The following HMGN1 variants were observed in gnomAD, a reference collection of about 807,000 sequenced individuals.
HMGN1 encodes the protein high mobility group nucleosome binding domain 1.
In HMGN1, 9 loss-of-function variants were observed where a neutral mutation model predicts 18.4. The ratio of observed to expected loss-of-function variants is 0.49; its 90% CI spans 0.29 to 0.85. The LOEUF is 0.85. Ranked by LOEUF, HMGN1 falls within the 40% of genes least tolerant of loss-of-function variation. The pLI is 0.07. For synonymous variants in HMGN1, 59 were observed against 45.0 expected (o/e 1.31, Z -1.24); for missense variants, 151 against 119.2 (o/e 1.27, Z -1.24).
intron 1 of HMGN1, 90 bp downstream of exon 1, chr21:39,348,813 G>T: frequency 9.4e-7 from 1 of 1,069,118 alleles, no homozygotes; most frequent in Non-Finnish European, 1.2e-6. Context: ...CGTCGCCACC[G>T]TGGGTGCAAC....
chr21:39,343,290 A>G (rs566904132), intron 5 of HMGN1, 131 bp from the exon 6 acceptor site: 532 of 882,814 alleles, frequency 6.0e-4, no homozygotes, highest in Non-Finnish European at 8.8e-4. Flanking sequence ...TCTTGTTAAA[A>G]AACTTTTGTT....
intron 3 of HMGN1, 21 bp from the exon 4 acceptor site, chr21:39,348,360 T>C (rs1013688911): frequency 1.2e-6 from 2 of 1,614,214 alleles, no homozygotes; most frequent in Non-Finnish European, 1.7e-6. Flanking sequence ...AAAGCAGCAC[T>C]GAGCGTCCTC....
intron 4 of HMGN1, chr21:39,347,919 T>G (rs1186563765): frequency 2.9e-6 from 3 of 1,021,484 alleles, no homozygotes; most frequent in East Asian, 1.0e-4. Context: ...AACTTACACG[T>G]TCCCTTTCTC....
chr21:39,345,065 C>A, intron 5 of HMGN1, 81 bp downstream of exon 5: 1 of 1,433,848 alleles, frequency 7.0e-7, no homozygotes, highest in Non-Finnish European at 9.2e-7. Flanking sequence ...TTATCTGCTA[C>A]AAAAAATGTA....
At chr21:39,344,202 G>A (rs1233122464) in intron 5 of HMGN1, among the ~76,000 whole-genome samples, 1 of 137,508 alleles carries the variant, frequency 7.3e-6, no homozygotes, top group Non-Finnish European at 1.5e-5. Context: ...GATGCAGTGA[G>A]CCAAGATCCC....
chr21:39,345,749 T>G lies in HMGN1; in HGVS notation c.127-475A>C, dbSNP rs2037029307. 3 of 1,071,366 alleles carry G rather than the reference T, an allele frequency of 2.8e-6. No individual in the cohort carries two copies. The South Asian group carries it at 3.9e-5, about 14-fold the overall frequency. 66.4% of individuals were successfully genotyped at this position (1,071,366 alleles called of 1,614,324 possible). A position where few individuals can be genotyped will look rare whatever the true frequency, so the allele number is the denominator to read the frequency against. ...ACCGGAGGAGTCTCGTCGACCGTAT[T>G]CCCACCCATCCCCAAATTTGTTGTG... On this transcript the variant is annotated intron_variant, in intron 4 of 5. Transcript: ENST00000380749.
At chr21:39,343,277 T>G in intron 5 of HMGN1, 118 bp from the exon 6 acceptor site, 1 of 978,490 alleles carries the variant, frequency 1.0e-6, no homozygotes, top group Non-Finnish European at 1.5e-6. Context: ...GTCACCTACC[T>G]ACTCTTGTTA....
At chr21:39,344,140 C>T (rs1405867275) in intron 5 of HMGN1, among the ~76,000 whole-genome samples, 1 of 151,648 alleles carries the variant, frequency 6.6e-6, no homozygotes, top group East Asian at 1.9e-4. Flanking sequence ...CCTGTAATCC[C>T]AGCCGCTCAG....
intron 5 of HMGN1, among the ~76,000 whole-genome samples, chr21:39,344,029 C>T (rs992655660): frequency 1.3e-5 from 2 of 152,086 alleles, no homozygotes; most frequent in Non-Finnish European, 2.9e-5. Flanking sequence ...CCAAGGCGGA[C>T]AGATCACCTG....
At chr21:39,345,944 A>C (rs2037037175) in intron 4 of HMGN1, 1 of 1,301,744 alleles carries the variant, frequency 7.7e-7, no homozygotes, top group Non-Finnish European at 1.0e-6. Flanking sequence ...ACTTTCATTT[A>C]GGTGTTTGAA....
chr21:39,344,161 C>T (rs532896845), intron 5 of HMGN1, among the ~76,000 whole-genome samples: 12 of 148,714 alleles, frequency 8.1e-5, no homozygotes, highest in African/African-American at 3.0e-4. Context: ...GAGGCTGAGG[C>T]AGGATAATCG....
Position 39,348,335 on chromosome 21 carries a change from G to A in HMGN1, c.83C>T (p.Pro28Leu), listed in dbSNP as rs201095754. Residue 28 changes from proline to leucine, a missense_variant, in exon 4 of 6, where the codon CCT becomes CTT. Physicochemically the swap from Pro to Leu is moderately conservative, Grantham distance 98 (BLOSUM62 -3). Coordinates refer to ENST00000380749, the MANE Select transcript of HMGN1 (RefSeq NM_004965.7). Reference sequence around the variant, plus strand: ...CGGCTTCGCTTCCACTTTTGCAGGAGGTTTCTGAAAGGCAAAAGCAGCACT... The same window carrying A: ...CGGCTTCGCTTCCACTTTTGCAGGAAGTTTCTGAAAGGCAAAAGCAGCACT... ...KRRSARLSAK[P>L]PAKVEAKPKK... is the part of the protein sequence containing the mutation. The A allele has an allele frequency of 9.4e-5, 152 of 1,614,044 alleles. No homozygotes were observed. The highest frequency in any genetic ancestry group is 1.6e-4 in the Middle Eastern group (1 of 6,084).
At chr21:39,343,940 G>A (rs147655729) in intron 5 of HMGN1, among the ~76,000 whole-genome samples, 2 of 152,256 alleles carry the variant, frequency 1.3e-5, no homozygotes, top group East Asian at 3.9e-4. Context: ...TTATCACACA[G>A]TATTTGATGT....
At chr21:39,348,607 C>A (rs750716703) in intron 1 of HMGN1, 30 bp from the exon 2 acceptor site, 10 of 1,509,924 alleles carry the variant, frequency 6.6e-6, no homozygotes, top group South Asian at 1.2e-5. Context: ...CGAATAGAGG[C>A]GGGCCGCAGT....
intron 4 of HMGN1, chr21:39,348,023 A>G (rs2037120131): frequency 2.6e-6 from 3 of 1,158,322 alleles, no homozygotes; most frequent in Middle Eastern, 3.0e-4. Flanking sequence ...TACGCAACGC[A>G]AAGAATAAAT....
rs879656226 is a variant in HMGN1 at position 39,349,043 on chromosome 21, G to A, written c.-126C>T. On this transcript the variant is annotated 5_prime_UTR_variant, in exon 1 of 6. Coordinates refer to ENST00000380749, the MANE Select transcript of HMGN1 (RefSeq NM_004965.7). ...CCTTGCCGCTGCCACTCCTCCCGCCGCCCGAGCTGCTGAGACCCACAGCGG... is the reference window on the plus strand; with the variant it reads ...CCTTGCCGCTGCCACTCCTCCCGCCACCCGAGCTGCTGAGACCCACAGCGG... 8.4e-6 allele frequency: 9 copies of A among 1,068,086 alleles called. 1 individual carries two copies. The highest frequency in any genetic ancestry group is 4.6e-5 in the Admixed American group (1 of 21,714). 66.2% of individuals were successfully genotyped at this position (1,068,086 alleles called of 1,614,324 possible). A position where few individuals can be genotyped will look rare whatever the true frequency, so the allele number is the denominator to read the frequency against.
intron 4 of HMGN1, chr21:39,347,666 C>G (rs537239672): frequency 9.4e-6 from 3 of 319,020 alleles, no homozygotes; most frequent in Non-Finnish European, 1.9e-5. Context: ...GCTTTTCCAC[C>G]CTGCAAGTTA....
intron 4 of HMGN1, chr21:39,345,802 C>A (rs2037031334): frequency 3.9e-6 from 5 of 1,294,942 alleles, no homozygotes; most frequent in African/African-American, 1.5e-5. Context: ...CCTCACAAGA[C>A]CTTAACCCTC....
rs781372906 is a variant in HMGN1 at position 39,348,627 on chromosome 21, C to T, written c.16-50G>A. 26 of 1,501,946 alleles carry T rather than the reference C, an allele frequency of 1.7e-5. No homozygotes were observed. The Admixed American group carries it at 5.6e-4, about 32-fold the overall frequency. 93.0% of individuals were successfully genotyped at this position (1,501,946 alleles called of 1,614,324 possible). On this transcript the variant is annotated intron_variant, in intron 1 of 5. Coordinates refer to ENST00000380749, the MANE Select transcript of HMGN1 (RefSeq NM_004965.7). ...AGAGGCGGGCCGCAGTCCCAGGACT[C>T]GCGGGCCCGCCCGGCCCCGAGAACA...
Sources: allele counts gnomAD v4.1 joint callset (sites outside exome capture counted in the v4.1 genomes callset), GRCh38; gene constraint gnomAD v4.1.1; transcripts MANE v1.5; gene names NCBI Gene and HGNC (gene_info 2026-07-23, HGNC 2026-07-21).